Variants in ARHGAP44 observed in about 807,000 individuals in gnomAD.
ARHGAP44 encodes rho GTPase-activating protein 44.
In ARHGAP44, 43 loss-of-function variants were observed where a neutral mutation model predicts 106.8. The ratio of observed to expected loss-of-function variants is 0.40; its 90% CI spans 0.32 to 0.52. The LOEUF (loss-of-function observed/expected upper bound fraction) is 0.52. Ranked by LOEUF, ARHGAP44 falls within the 20% of genes least tolerant of loss-of-function variation. The probability of loss-of-function intolerance (pLI) is 0.48; values close to 1 mark genes in which losing one functional copy is unlikely to be tolerated. For missense variants in ARHGAP44, 866 were observed against 1,050.5 expected, an observed-to-expected ratio of 0.82 and a Z score of 2.43; for synonymous variants, 439 against 410.3, an observed-to-expected ratio of 1.07 and a Z score of -0.85.
chr17:12,882,769 C>G (rs1247166329), intron 1 of ARHGAP44, among the ~76,000 whole-genome samples: 1 of 152,008 alleles, frequency 6.6e-6, no homozygotes, highest in Non-Finnish European at 1.5e-5. Flanking sequence ...TTCTTACATT[C>G]TCTAGTAATT....
At chr17:12,897,839 G>GT (rs2037259220) in intron 3 of ARHGAP44, among the ~76,000 whole-genome samples, 1 of 151,580 alleles carries the variant, frequency 6.6e-6, no homozygotes, top group South Asian at 2.1e-4. Context: ...GGCCTTTGGT[G>GT]TTGGTAGGCG....
At chr17:12,941,360 A>C (rs1439485975) in intron 8 of ARHGAP44, among the ~76,000 whole-genome samples, 1 of 152,096 alleles carries the variant, frequency 6.6e-6, no homozygotes, top group Non-Finnish European at 1.5e-5. Context: ...ATTCTCAGCC[A>C]GGAATAATTT....
chr17:12,799,420 C>T (rs1280867427), intron 1 of ARHGAP44, among the ~76,000 whole-genome samples: 1 of 152,178 alleles, frequency 6.6e-6, no homozygotes, highest in Non-Finnish European at 1.5e-5. Flanking sequence ...TTCCCCTCCA[C>T]CTCAAAATCT....
At chr17:12,951,626 T>C (rs1303142988) in intron 12 of ARHGAP44, among the ~76,000 whole-genome samples, 1 of 152,082 alleles carries the variant, frequency 6.6e-6, no homozygotes, top group Non-Finnish European at 1.5e-5. Context: ...CATTAAGAAA[T>C]AGAAATGATC....
chr17:12,824,495 T>G (rs1354932096), intron 1 of ARHGAP44, among the ~76,000 whole-genome samples: 1 of 152,068 alleles, frequency 6.6e-6, no homozygotes, highest in Non-Finnish European at 1.5e-5. Flanking sequence ...ACCTAATTCA[T>G]GATTTCTGCC....
At chr17:12,865,647 G>T (rs528165124) in intron 1 of ARHGAP44, among the ~76,000 whole-genome samples, 2 of 152,188 alleles carry the variant, frequency 1.3e-5, no homozygotes, top group East Asian at 3.9e-4. Context: ...AAATTAGCTG[G>T]GCGTGGTGGC....
intron 1 of ARHGAP44, among the ~76,000 whole-genome samples, chr17:12,814,293 T>G (rs1260928518): frequency 7.1e-6 from 1 of 140,176 alleles, no homozygotes; most frequent in Non-Finnish European, 1.5e-5. Flanking sequence ...CAGGCTGGAG[T>G]GCAGTGGCGT....
At chr17:12,861,218 G>A (rs1230987196) in intron 1 of ARHGAP44, among the ~76,000 whole-genome samples, 1 of 152,130 alleles carries the variant, frequency 6.6e-6, no homozygotes, top group African/African-American at 2.4e-5. Flanking sequence ...TCAAACTCCT[G>A]AGCTCAAGCG....
At chr17:12,813,992 A>G (rs1015840791) in intron 1 of ARHGAP44, among the ~76,000 whole-genome samples, 1 of 151,852 alleles carries the variant, frequency 6.6e-6, no homozygotes, top group African/African-American at 2.4e-5. Context: ...CAGAAGGGCA[A>G]TCTCTTCCTT....
At chr17:12,952,710 C>G (rs1395829980) in intron 13 of ARHGAP44, 129 bp downstream of exon 13, 2 of 428,280 alleles carry the variant, frequency 4.7e-6, no homozygotes, top group Non-Finnish European at 4.2e-6. Flanking sequence ...GTATTATTAA[C>G]ATGCATGGTC....
intron 4 of ARHGAP44, among the ~76,000 whole-genome samples, chr17:12,909,955 AC>A (rs2037674850): frequency 6.6e-6 from 1 of 152,244 alleles, no homozygotes; most frequent in African/African-American, 2.4e-5. Flanking sequence ...AAAGATCATT[AC>A]TATAAAATAG....
At chr17:12,970,167 G>T (rs2058090) in intron 16 of ARHGAP44, among the ~76,000 whole-genome samples, 12,136 of 151,780 alleles carry the variant, frequency 0.08, 646 homozygotes, top group Admixed American at 0.12. Flanking sequence ...GAGAGCAGTG[G>T]TCCAGCCTGG....
At chr17:12,837,427 A>C (rs1018940564) in intron 1 of ARHGAP44, among the ~76,000 whole-genome samples, 3 of 152,146 alleles carry the variant, frequency 2.0e-5, no homozygotes, top group African/African-American at 7.2e-5. Context: ...AGCAAAAGAA[A>C]AGAGGGTTGA....
At chr17:12,924,531 C>T (rs1444240199) in intron 6 of ARHGAP44, among the ~76,000 whole-genome samples, 1 of 152,178 alleles carries the variant, frequency 6.6e-6, no homozygotes, top group Non-Finnish European at 1.5e-5. Context: ...CATTCCATTT[C>T]TGCCGAACCA....
chr17:12,842,414 C>CAA (rs558245390), intron 1 of ARHGAP44, among the ~76,000 whole-genome samples: 7 of 56,318 alleles, frequency 1.2e-4, no homozygotes, highest in South Asian at 6.2e-4. Context: ...GAGACCATCT[C>CAA]AAAAAAAAAA....
intron 4 of ARHGAP44, among the ~76,000 whole-genome samples, chr17:12,913,343 C>T (rs928755732): frequency 3.3e-5 from 5 of 151,746 alleles, no homozygotes; most frequent in African/African-American, 1.2e-4. Flanking sequence ...AGAAAACAAG[C>T]AAGCCAAAAC....
chr17:12,891,709 T>C (rs1386937148), intron 1 of ARHGAP44, among the ~76,000 whole-genome samples: 4 of 152,180 alleles, frequency 2.6e-5, no homozygotes, highest in African/African-American at 9.7e-5. Context: ...TAACTTATCA[T>C]AGTCTGCTGC....
chr17:12,851,395 G>A (rs1048435589), intron 1 of ARHGAP44, among the ~76,000 whole-genome samples: 1 of 152,140 alleles, frequency 6.6e-6, no homozygotes, highest in South Asian at 2.1e-4. Context: ...TTGCCGTCGA[G>A]GACCCACTGT....
intron 10 of ARHGAP44, among the ~76,000 whole-genome samples, 166 bp from the exon 11 acceptor site, chr17:12,948,974 C>A (rs1027092174): frequency 6.6e-6 from 1 of 152,126 alleles, no homozygotes; most frequent in Non-Finnish European, 1.5e-5. Flanking sequence ...TGCTTATGTG[C>A]CAAGAGGGAG....
Sources: allele counts gnomAD v4.1 joint callset (sites outside exome capture counted in the v4.1 genomes callset), GRCh38; gene constraint gnomAD v4.1.1; transcripts MANE v1.5; gene names NCBI Gene and HGNC (gene_info 2026-07-23, HGNC 2026-07-21).